TNN: variants seen among roughly 807,000 people sequenced by gnomAD.
TNN encodes the protein tenascin-N.
A neutral mutation model predicts 134.4 loss-of-function variants in TNN; 122 were observed. The observed-to-expected ratio is 0.91, with a 90% confidence interval of 0.78 to 1.06. The LOEUF is 1.06. TNN is among the 50% of genes least tolerant of loss of function. The pLI is 0.00. For synonymous variants in TNN, 710 were observed against 670.3 expected, an observed-to-expected ratio of 1.06 and a Z score of -0.91; for missense variants, 1,739 against 1,699.4, an observed-to-expected ratio of 1.02 and a Z score of -0.41.
intron 11 of TNN, among the ~76,000 whole-genome samples, chr1:175,121,596 G>A (rs1010166249): frequency 1.3e-5 from 2 of 152,206 alleles, no homozygotes; most frequent in East Asian, 1.9e-4. Flanking sequence ...AGGTTCGTAG[G>A]GAAGCTGCTA....
intron 12 of TNN, among the ~76,000 whole-genome samples, chr1:175,123,902 G>T (rs147427599): frequency 2.8e-4 from 42 of 152,230 alleles, no homozygotes; most frequent in African/African-American, 9.4e-4. Flanking sequence ...CCCTCCACCC[G>T]GCCCAGCGCT....
chr1:175,137,937 T>A (rs985400822), intron 17 of TNN, among the ~76,000 whole-genome samples: 2 of 152,150 alleles, frequency 1.3e-5, no homozygotes, highest in African/African-American at 4.8e-5. Flanking sequence ...ACATAAACAG[T>A]TACAGGAGTG....
chr1:175,130,686 C>T (rs1675654819), intron 15 of TNN, among the ~76,000 whole-genome samples: 1 of 152,152 alleles, frequency 6.6e-6, no homozygotes, highest in Non-Finnish European at 1.5e-5. Context: ...TGACTTATTG[C>T]ACATATATTT....
chr1:175,093,925 C>T, intron 6 of TNN, 65 bp from the exon 7 acceptor site: 6 of 1,520,502 alleles, frequency 3.9e-6, no homozygotes, highest in Non-Finnish European at 5.4e-6. Flanking sequence ...AGATCTTTAA[C>T]AATCTATGAT....
chr1:175,105,944 C>T lies in TNN; in HGVS notation c.2119+7349C>T, dbSNP rs944773148. 1.1e-4 allele frequency among the ~76,000 whole-genome samples: 16 copies of T among 146,044 alleles called. 1 individual carries two copies. The highest frequency in any genetic ancestry group is 2.3e-4 in the South Asian group (1 of 4,348). ...ACAACCCCTGCCCAAGAACCTGCAA[C>T]GGTCCCTGGACCCTGCTGACTTGAA... On this transcript the variant is annotated intron_variant, in intron 9 of 18. Coordinates refer to ENST00000239462, the MANE Select transcript of TNN (RefSeq NM_022093.2).
intron 6 of TNN, among the ~76,000 whole-genome samples, chr1:175,088,473 C>T (rs1674369638): frequency 1.3e-5 from 2 of 152,190 alleles, no homozygotes; most frequent in Non-Finnish European, 2.9e-5. Flanking sequence ...AATTTTCATA[C>T]TGTTTGCTTC....
intron 1 of TNN, among the ~76,000 whole-genome samples, chr1:175,076,906 A>C (rs1461204274): frequency 6.6e-6 from 1 of 152,214 alleles, no homozygotes; most frequent in African/African-American, 2.4e-5. Context: ...ATTCCAACAA[A>C]CAATTGTGAG....
At chr1:175,105,140 G>T (rs530259227) in intron 9 of TNN, among the ~76,000 whole-genome samples, 1 of 146,060 alleles carries the variant, frequency 6.8e-6, no homozygotes. Flanking sequence ...TTCATTAAAG[G>T]CCAGGGTTTG....
chr1:175,103,034 C>T lies in TNN; in HGVS notation c.2119+4439C>T, dbSNP rs1039639685. ...GCCAGTGGGTTGATCCAGGGGTCCT[C>T]GGTAGAAGTTGTTAGTTGAACTCTT... On this transcript the variant is annotated intron_variant, in intron 9 of 18. Coordinates refer to ENST00000239462, the MANE Select transcript of TNN (RefSeq NM_022093.2). Among the ~76,000 whole-genome samples, 7 of 146,170 alleles carry T rather than the reference C, an allele frequency of 4.8e-5. 1 individual carries two copies. Among genetic ancestry groups the T allele is most frequent in the East Asian group, 2.3e-4 (1 of 4,334 alleles).
chr1:175,075,117 A>G (rs1674009881), intron 1 of TNN, among the ~76,000 whole-genome samples: 1 of 152,168 alleles, frequency 6.6e-6, no homozygotes, highest in Non-Finnish European at 1.5e-5. Context: ...TGCTATTGTG[A>G]TTCTTCTTCT....
intron 6 of TNN, 118 bp downstream of exon 6, chr1:175,085,612 C>A: frequency 2.7e-6 from 2 of 743,262 alleles, no homozygotes; most frequent in South Asian, 3.3e-5. Flanking sequence ...GGGTGGCTCA[C>A]GCCTGTAATC....
chr1:175,075,000 G>C (rs1193556063), intron 1 of TNN, among the ~76,000 whole-genome samples: 1 of 151,338 alleles, frequency 6.6e-6, no homozygotes, highest in African/African-American at 2.4e-5. Context: ...GTGAGGAGAG[G>C]AACACTGACC....
At chr1:175,089,619 T>C (rs1341796188) in intron 6 of TNN, among the ~76,000 whole-genome samples, 2 of 152,250 alleles carry the variant, frequency 1.3e-5, no homozygotes, top group African/African-American at 2.4e-5. Context: ...TTGGACTAAA[T>C]GAGTTTAAAG....
chr1:175,125,905 C>T (rs1005043258), intron 12 of TNN, among the ~76,000 whole-genome samples: 3 of 142,176 alleles, frequency 2.1e-5, no homozygotes, highest in South Asian at 2.3e-4. Flanking sequence ...TTCTCTCTCC[C>T]GCTCTCTCTC....
At chr1:175,090,585 GT>G (rs1448382294) in intron 6 of TNN, among the ~76,000 whole-genome samples, 17 of 152,184 alleles carry the variant, frequency 1.1e-4, no homozygotes, top group Admixed American at 1.1e-3. Context: ...CTGTGACTAT[GT>G]GCTCAAGTGT....
At chr1:175,099,155 C>T (rs1674653135) in intron 9 of TNN, among the ~76,000 whole-genome samples, 1 of 152,216 alleles carries the variant, frequency 6.6e-6, no homozygotes, top group Non-Finnish European at 1.5e-5. Context: ...CTTCTCCTCT[C>T]TCTCGACTTG....
intron 9 of TNN, among the ~76,000 whole-genome samples, chr1:175,101,836 T>C (rs1674732315): frequency 6.7e-6 from 1 of 149,450 alleles, no homozygotes. Context: ...ATACACAGTG[T>C]CGATTGGTGC....
At position 175,080,342 on chromosome 1, in the gene TNN, C is replaced by T; in HGVS notation, c.964C>T (p.Leu322=). The T allele has an allele frequency of 6.2e-7, 1 of 1,614,120 alleles. No homozygotes were observed. Among genetic ancestry groups the T allele is most frequent in the Non-Finnish European group, 8.5e-7 (1 of 1,180,012 alleles). The change falls in exon 4 of 19, where the codon CTG becomes TTG. Residue 322 remains leucine, a synonymous_variant. Transcript: ENST00000239462. Reference sequence around the variant, plus strand: ...GCACAGCTATGAGATTCTTGGTTTGCTGCCTGGAACCAAGTACATAGTCAC... The same window carrying T: ...GCACAGCTATGAGATTCTTGGTTTGTTGCCTGGAACCAAGTACATAGTCAC... ...EQHSYEILGL[L]PGTKYIVTLR...
chr1:175,091,569 TTATTTA>T lies in TNN; in HGVS notation c.1325-2419_1325-2414del, dbSNP rs1558353531. Among the ~76,000 whole-genome samples, 212 of 147,444 alleles carry T rather than the reference TTATTTA, an allele frequency of 1.4e-3. 1 individual carries two copies. Among genetic ancestry groups the T allele is most frequent in the Non-Finnish European group, 2.4e-3 (163 of 66,672 alleles). On this transcript the variant is annotated intron_variant, in intron 6 of 18. Transcript: ENST00000239462. ...ACTTTTATTTATTATTTTTATTTAT[TTATTTA>T]TTTATTTATTTATTTATTTATTTAT...
Sources: allele counts gnomAD v4.1 joint callset (sites outside exome capture counted in the v4.1 genomes callset), GRCh38; gene constraint gnomAD v4.1.1; transcripts MANE v1.5; gene names NCBI Gene and HGNC (gene_info 2026-07-23, HGNC 2026-07-21).